Variants in NTRK3 observed in about 807,000 individuals in gnomAD.
NTRK3 encodes NT-3 growth factor receptor.
Under a neutral mutation model 91.7 loss-of-function variants are expected in NTRK3, and 24 were observed. The observed-to-expected ratio is 0.26, with a 90% CI of 0.19 to 0.37. The LOEUF (loss-of-function observed/expected upper bound fraction) is 0.37. Among genes scored for constraint, NTRK3 ranks in the 10% least tolerant of loss-of-function variants. The pLI is 1.00. For synonymous variants in NTRK3, 483 were observed against 404.0 expected (o/e 1.20, Z -2.34); for missense variants, 880 against 1,068.9 (o/e 0.82, Z 2.46).
At chr15:87,944,415 T>G (rs560208278) in intron 14 of NTRK3, among the ~76,000 whole-genome samples, 1 of 152,362 alleles carries the variant, frequency 6.6e-6, no homozygotes, top group South Asian at 2.1e-4. Context: ...CTACTGTGTG[T>G]TCAACACTTG....
exon 19 of NTRK3, chr15:87,871,726 C>T (rs988359988): frequency 4.4e-6 from 1 of 226,290 alleles, no homozygotes; most frequent in African/African-American, 2.2e-5. Context: ...AACGGTAAGG[C>T]TAAAAGAGAA....
At chr15:88,162,747 A>G (rs1032574458) in intron 5 of NTRK3, among the ~76,000 whole-genome samples, 1 of 152,192 alleles carries the variant, frequency 6.6e-6, no homozygotes, top group Non-Finnish European at 1.5e-5. Flanking sequence ...TTGGATGGGG[A>G]GGCAGATGGG....
intron 13 of NTRK3, chr15:88,098,882 C>T (rs565503710): frequency 7.3e-5 from 17 of 232,506 alleles, no homozygotes; most frequent in African/African-American, 3.5e-4. Flanking sequence ...ATGTGATATG[C>T]TATGAAAACA....
At chr15:88,153,251 A>AT (rs532114293) in intron 5 of NTRK3, among the ~76,000 whole-genome samples, 6 of 151,298 alleles carry the variant, frequency 4.0e-5, no homozygotes, top group Non-Finnish European at 1.5e-5. Flanking sequence ...TTTGTTTTTT[A>AT]TTTTTTTTGA....
chr15:87,885,595 T>A (rs1010023568), intron 17 of NTRK3, 99 bp downstream of exon 18: 1 of 655,286 alleles, frequency 1.5e-6, no homozygotes, highest in Non-Finnish European at 2.5e-6. Context: ...GGCAGACCCA[T>A]GTATAAATAT....
intron 14 of NTRK3, among the ~76,000 whole-genome samples, chr15:87,963,242 T>A (rs2072474214): frequency 6.6e-6 from 1 of 152,142 alleles, no homozygotes; most frequent in East Asian, 1.9e-4. Context: ...CTGAGCCATC[T>A]CCCTTGTTCA....
chr15:88,123,049 T>A (rs1166696086), intron 13 of NTRK3, among the ~76,000 whole-genome samples: 10 of 152,184 alleles, frequency 6.6e-5, no homozygotes. Flanking sequence ...TACTAAATAT[T>A]GTGCAGGACA....
At chr15:87,970,303 T>C (rs1009389037) in intron 14 of NTRK3, among the ~76,000 whole-genome samples, 1 of 152,206 alleles carries the variant, frequency 6.6e-6, no homozygotes. Context: ...TCTTCTGAGA[T>C]ATCACAGCGA....
chr15:87,974,916 T>G (rs1419287483), intron 14 of NTRK3, among the ~76,000 whole-genome samples: 1 of 152,090 alleles, frequency 6.6e-6, no homozygotes, highest in African/African-American at 2.4e-5. Context: ...TGTTTCACAA[T>G]CATAGCCTTC....
chr15:88,021,228 C>T (rs568955958), intron 14 of NTRK3, among the ~76,000 whole-genome samples: 1 of 152,354 alleles, frequency 6.6e-6, no homozygotes, highest in Non-Finnish European at 1.5e-5. Flanking sequence ...CCACGGAATG[C>T]AGCTACGTCC....
chr15:88,031,792 G>C (rs1324748749), intron 14 of NTRK3, among the ~76,000 whole-genome samples: 2 of 152,146 alleles, frequency 1.3e-5, no homozygotes, highest in African/African-American at 2.4e-5. Flanking sequence ...GGAGCAGCAA[G>C]AGTTCTGTGA....
intron 5 of NTRK3, among the ~76,000 whole-genome samples, chr15:88,158,370 T>C (rs2044116329): frequency 6.6e-6 from 1 of 152,186 alleles, no homozygotes; most frequent in Non-Finnish European, 1.5e-5. Context: ...TATAGAGACC[T>C]GCTGTAACAA....
intron 13 of NTRK3, among the ~76,000 whole-genome samples, chr15:88,065,840 C>T (rs1289198218): frequency 6.6e-6 from 1 of 152,164 alleles, no homozygotes; most frequent in Non-Finnish European, 1.5e-5. Context: ...TGTTGAGTTT[C>T]TCCAGTATAC....
intron 13 of NTRK3, among the ~76,000 whole-genome samples, chr15:88,108,194 C>G (rs554895114): frequency 3.3e-5 from 5 of 152,336 alleles, no homozygotes; most frequent in African/African-American, 9.6e-5. Flanking sequence ...TTGCTTGTAT[C>G]TGTATCCCAC....
intron 13 of NTRK3, among the ~76,000 whole-genome samples, chr15:88,095,893 G>T (rs1222995298): frequency 6.6e-6 from 1 of 152,100 alleles, no homozygotes; most frequent in African/African-American, 2.4e-5. Flanking sequence ...TCAAAACCAG[G>T]AAATCAGCCC....
chr15:88,007,275 T>C (rs1355234234), intron 14 of NTRK3, among the ~76,000 whole-genome samples: 1 of 152,192 alleles, frequency 6.6e-6, no homozygotes, highest in African/African-American at 2.4e-5. Flanking sequence ...CCAAGACACA[T>C]AACCAGTAGT....
At chr15:88,114,244 G>C (rs1206508880) in intron 13 of NTRK3, among the ~76,000 whole-genome samples, 1 of 152,086 alleles carries the variant, frequency 6.6e-6, no homozygotes, top group Non-Finnish European at 1.5e-5. Context: ...CATCTGCTTT[G>C]CTTTGTTTTT....
At chr15:88,078,724 C>T (rs1189124679) in intron 13 of NTRK3, among the ~76,000 whole-genome samples, 1 of 152,196 alleles carries the variant, frequency 6.6e-6, no homozygotes, top group East Asian at 1.9e-4. Context: ...GACCTCAGAA[C>T]TGGGACCTAA....
intron 3 of NTRK3, among the ~76,000 whole-genome samples, chr15:88,226,727 G>T (rs1278099075): frequency 6.6e-6 from 1 of 152,168 alleles, no homozygotes; most frequent in Non-Finnish European, 1.5e-5. Context: ...ATGGTCTTGT[G>T]TCCCGTTCCA....
Sources: gnomAD v4.1 joint callset for allele counts (sites outside exome capture counted in the v4.1 genomes callset) on GRCh38, gnomAD v4.1.1 for gene constraint, MANE v1.5 for transcripts, NCBI Gene and HGNC (gene_info 2026-07-23, HGNC 2026-07-21) for gene names.